The following BMPR1B variants were observed in gnomAD, a reference collection of about 807,000 sequenced individuals.
BMPR1B encodes the protein bone morphogenetic protein receptor type 1B, also known as bone morphogenetic protein receptor type-1B.
Under a neutral mutation model 59.1 loss-of-function variants are expected in BMPR1B, and 12 were observed. The observed-to-expected ratio is 0.20, with a 90% confidence interval of 0.13 to 0.33. The LOEUF (loss-of-function observed/expected upper bound fraction) is 0.33. Ranked by LOEUF, BMPR1B falls within the 10% of genes least tolerant of loss-of-function variation. The probability of loss-of-function intolerance (pLI) is 1.00; values close to 1 mark genes in which losing one functional copy is unlikely to be tolerated. For missense variants in BMPR1B, 550 were observed against 610.9 expected (o/e 0.90, Z 1.05); for synonymous variants, 237 against 207.3 (o/e 1.14, Z -1.23).
At chr4:94,850,570 A>G (rs1045775904) in intron 1 of BMPR1B, among the ~76,000 whole-genome samples, 1 of 152,206 alleles carries the variant, frequency 6.6e-6, no homozygotes, top group Non-Finnish European at 1.5e-5. Flanking sequence ...AAGAAATGCT[A>G]GATCTTAGTT....
intron 1 of BMPR1B, among the ~76,000 whole-genome samples, chr4:94,792,450 C>T (rs1265785534): frequency 6.6e-6 from 1 of 152,040 alleles, no homozygotes; most frequent in East Asian, 1.9e-4. Flanking sequence ...TTTCTCATCA[C>T]TCTTTTTTTC....
intron 3 of BMPR1B, among the ~76,000 whole-genome samples, chr4:95,008,198 A>G (rs1205075227): frequency 6.6e-6 from 1 of 152,200 alleles, no homozygotes; most frequent in Non-Finnish European, 1.5e-5. Flanking sequence ...TCTGTCTCAT[A>G]CTGTACGGGG....
chr4:94,990,439 A>G (rs1377610582), intron 2 of BMPR1B, among the ~76,000 whole-genome samples: 2 of 152,224 alleles, frequency 1.3e-5, no homozygotes. Flanking sequence ...AGTGGAAACC[A>G]ACCCAAATGT....
At chr4:94,981,937 T>C (rs962918190) in intron 2 of BMPR1B, among the ~76,000 whole-genome samples, 2 of 152,214 alleles carry the variant, frequency 1.3e-5, no homozygotes, top group Non-Finnish European at 2.9e-5. Context: ...TTTCAGCAGA[T>C]AGGCTTAAGA....
In BMPR1B at chr4:95,093,990, G is replaced by A. The variant is rs370516914; in HGVS notation, c.-17-10418G>A. 8.6e-5 allele frequency among the ~76,000 whole-genome samples: 13 copies of A among 152,034 alleles called. 1 individual carries two copies. The East Asian group carries it at 2.5e-3, about 29-fold the overall frequency. ...CACACAAAGTAATCTTCCCTCTTAT[G>A]CACTCCTGTCTAGGACTTAATTTGG... On this transcript the variant is annotated intron_variant, in intron 3 of 12. Coordinates refer to ENST00000515059, the MANE Select transcript of BMPR1B (RefSeq NM_001203.3).
chr4:94,910,725 T>C (rs1309297350), intron 2 of BMPR1B, among the ~76,000 whole-genome samples: 1 of 151,162 alleles, frequency 6.6e-6, no homozygotes, highest in East Asian at 1.9e-4. Flanking sequence ...CTAGGCAACA[T>C]AGCGAGACCC....
chr4:95,055,571 G>A (rs946663621), intron 3 of BMPR1B, among the ~76,000 whole-genome samples: 16 of 152,120 alleles, frequency 1.1e-4, no homozygotes, highest in African/African-American at 2.9e-4. Context: ...GCTATTAATC[G>A]GCAGTAACTG....
intron 3 of BMPR1B, among the ~76,000 whole-genome samples, chr4:95,100,410 C>T (rs2149260875): frequency 1.3e-5 from 2 of 152,158 alleles, no homozygotes; most frequent in Non-Finnish European, 2.9e-5. Flanking sequence ...TAGTTTTTCT[C>T]AACAAAGTTC....
At chr4:94,929,467 T>G (rs1729011101) in intron 2 of BMPR1B, among the ~76,000 whole-genome samples, 1 of 152,100 alleles carries the variant, frequency 6.6e-6, no homozygotes, top group South Asian at 2.1e-4. Context: ...AAGGGCCTTC[T>G]TTAAGTCCTT....
At chr4:95,008,125 G>T (rs960150309) in intron 3 of BMPR1B, among the ~76,000 whole-genome samples, 4 of 152,118 alleles carry the variant, frequency 2.6e-5, no homozygotes, top group African/African-American at 9.7e-5. Flanking sequence ...TTAATAAGCT[G>T]TGTTGGTATG....
chr4:94,766,643 C>T (rs1721980584), intron 1 of BMPR1B, among the ~76,000 whole-genome samples: 2 of 150,118 alleles, frequency 1.3e-5, no homozygotes. Context: ...GGAACTCAAA[C>T]AAATAAAATC....
chr4:94,984,786 C>T (rs981506373), intron 2 of BMPR1B, among the ~76,000 whole-genome samples: 6 of 152,280 alleles, frequency 3.9e-5, no homozygotes, highest in South Asian at 4.1e-4. Flanking sequence ...AACTGGTGTG[C>T]GCTTTTCCCT....
chr4:94,770,447 C>T (rs752938994), intron 1 of BMPR1B, among the ~76,000 whole-genome samples: 2 of 151,896 alleles, frequency 1.3e-5, no homozygotes, highest in Non-Finnish European at 2.9e-5. Context: ...AGGCCCTTAT[C>T]CTGAGAAGTA....
At chr4:94,902,756 A>G (rs1727881800) in intron 2 of BMPR1B, among the ~76,000 whole-genome samples, 2 of 152,024 alleles carry the variant, frequency 1.3e-5, no homozygotes, top group African/African-American at 4.8e-5. Context: ...ATTTTGAAGA[A>G]AGGACAAACT....
intron 1 of BMPR1B, among the ~76,000 whole-genome samples, chr4:94,820,267 G>T (rs10008126): frequency 0.4 from 60,939 of 151,878 alleles, 12,782 homozygotes; most frequent in African/African-American, 0.53. Context: ...AGTTCATGGT[G>T]TATCTTCCCC....
chr4:94,791,093 C>T (rs1233941033), intron 1 of BMPR1B, among the ~76,000 whole-genome samples: 12 of 152,208 alleles, frequency 7.9e-5, no homozygotes, highest in South Asian at 4.1e-4. Flanking sequence ...GTCCAACAAG[C>T]GATTCTCCTG....
At chr4:94,873,410 C>CT (rs35696562) in intron 1 of BMPR1B, among the ~76,000 whole-genome samples, 5,087 of 139,530 alleles carry the variant, frequency 0.036, 315 homozygotes, top group African/African-American at 0.12. Context: ...GCTATGAATT[C>CT]TTTTTTTTTT....
At chr4:95,141,850 A>G (rs1409467524) in intron 10 of BMPR1B, among the ~76,000 whole-genome samples, 1 of 152,222 alleles carries the variant, frequency 6.6e-6, no homozygotes, top group African/African-American at 2.4e-5. Flanking sequence ...ACTGATGTCC[A>G]GTGGATGATT....
At chr4:95,030,962 T>C (rs938301657) in intron 3 of BMPR1B, among the ~76,000 whole-genome samples, 7 of 151,904 alleles carry the variant, frequency 4.6e-5, no homozygotes, top group African/African-American at 1.7e-4. Context: ...AATTTATAGA[T>C]TCAATGCCAT....
Sources: allele counts gnomAD v4.1 joint callset (sites outside exome capture counted in the v4.1 genomes callset), GRCh38; gene constraint gnomAD v4.1.1; transcripts MANE v1.5; gene names NCBI Gene and HGNC (gene_info 2026-07-23, HGNC 2026-07-21).